ABCD4: variants seen among roughly 807,000 people sequenced by gnomAD.
ABCD4 encodes lysosomal cobalamin transporter ABCD4.
A neutral mutation model predicts 86.3 loss-of-function variants in ABCD4; 53 were observed. The observed-to-expected ratio is 0.61, with a 90% confidence interval of 0.49 to 0.77. The LOEUF is 0.77. Ranked by LOEUF, ABCD4 falls within the 30% of genes least tolerant of loss-of-function variation. The pLI, the probability that ABCD4 is intolerant of heterozygous loss-of-function variation, is 0.00. For missense variants in ABCD4, 757 were observed against 764.5 expected (o/e 0.99, Z 0.12); for synonymous variants, 328 against 313.6 (o/e 1.05, Z -0.49).
In ABCD4 at chr14:74,288,787, T is replaced by C. The variant is rs764928836; in HGVS notation, c.1457-22A>G. ...GAACCTGCACAACAAAGAAGCCTTC[T>C]GCAAAAAGCCAGAGCCTCCTGGCTG... On this transcript the variant is annotated intron_variant, in intron 14 of 18. Coordinates refer to ENST00000356924, the MANE Select transcript of ABCD4 (RefSeq NM_005050.4). The C allele has an allele frequency of 3.1e-6, 5 of 1,612,030 alleles. No individual in the cohort carries two copies. The African/African-American group carries it at 5.3e-5, about 17-fold the overall frequency.
At chr14:74,289,228 TAAGGG>T (rs2139786159) in intron 14 of ABCD4, 1 of 1,304,590 alleles carries the variant, frequency 7.7e-7, no homozygotes, top group East Asian at 3.1e-5. Context: ...CAGATCTTCA[TAAGGG>T]AAGGGGTGGG....
chr14:74,293,865 C>G (rs1187151854), intron 7 of ABCD4: 2 of 152,176 alleles, frequency 1.3e-5, no homozygotes, highest in African/African-American at 2.4e-5. Flanking sequence ...TTAAGGGAGT[C>G]TGGGAAGGCT....
intron 11 of ABCD4, among the ~76,000 whole-genome samples, chr14:74,290,918 C>T (rs1405416879): frequency 6.6e-6 from 1 of 151,944 alleles, no homozygotes; most frequent in African/African-American, 2.4e-5. Context: ...GGTGATCTGC[C>T]CACCTCAGCC....
In ABCD4 at chr14:74,290,519, G is replaced by A; in HGVS notation, c.1119-20C>T. On this transcript the variant is annotated intron_variant, in intron 11 of 18. Coordinates refer to ENST00000356924, the MANE Select transcript of ABCD4 (RefSeq NM_005050.4). ...GGGGGTCTGTGTCAGAGAAGAGAGGGGGCGTGAGGAAGATGGGCAGGGTCA... is the reference window on the plus strand; with the variant it reads ...GGGGGTCTGTGTCAGAGAAGAGAGGAGGCGTGAGGAAGATGGGCAGGGTCA... The A allele has an allele frequency of 6.2e-7, 1 of 1,604,848 alleles. No homozygotes were observed. Among genetic ancestry groups the A allele is most frequent in the Non-Finnish European group, 8.5e-7 (1 of 1,177,074 alleles).
At chr14:74,300,593 CAA>C (rs576021856) in intron 1 of ABCD4, among the ~76,000 whole-genome samples, 5 of 51,066 alleles carry the variant, frequency 9.8e-5, no homozygotes, top group Admixed American at 2.2e-4. Flanking sequence ...AACTCCGTCT[CAA>C]AAAAAAAAAA....
rs775048199 is a variant in ABCD4, at chr14:74,287,841, G to T, written c.1605C>A (p.Ala535=). 1.7e-5 allele frequency: 27 copies of T among 1,613,216 alleles called. No individual in the cohort carries two copies. In the South Asian group the frequency reaches 2.9e-4, roughly 17 times the overall value. ...SPGEMQRLSF[A]RLFYLQPKYA... is the part of the protein sequence containing the mutation. ...ACTTCGGCTGCAGGTAGAAGAGTCG[G>T]GCAAAGGAGAGCCGTTGCATCTCCC... The change falls in exon 17 of 19, where the codon GCC becomes GCA. Residue 535 remains alanine, a synonymous_variant. Transcript: ENST00000356924.
chr14:74,301,427 T>C (rs1354293768), intron 1 of ABCD4, among the ~76,000 whole-genome samples: 3 of 151,446 alleles, frequency 2.0e-5, no homozygotes, highest in African/African-American at 7.3e-5. Flanking sequence ...CCCAAAGTGA[T>C]AGGATGACAG....
At chr14:74,296,703 C>A in intron 4 of ABCD4, 1 of 449,298 alleles carries the variant, frequency 2.2e-6, no homozygotes, top group South Asian at 2.7e-5. Context: ...ACTGAAAGGT[C>A]CAGTACCCAG....
chr14:74,296,108 G>C, intron 5 of ABCD4, 129 bp from the exon 6 acceptor site: 2 of 1,295,182 alleles, frequency 1.5e-6, no homozygotes. Flanking sequence ...TGGGCCCTCT[G>C]CTCCTATGTG....
At position 74,300,234 on chromosome 14, in the gene ABCD4, G is replaced by GGAACCA; in HGVS notation, c.72_73insTGGTTC (p.Phe24_Leu25insTrpPhe). 6.2e-7 allele frequency: 1 copy of GGAACCA among 1,613,810 alleles called. No homozygotes were observed. Among genetic ancestry groups the GGAACCA allele is most frequent in the Non-Finnish European group, 8.5e-7 (1 of 1,179,824 alleles). On this transcript the variant is annotated inframe_insertion, in exon 2 of 19. Transcript: ENST00000356924. ...GGAAACAAAACCTTCAGTATCTGCA[G>GGAACCA]GAACCGCTGGAGAAATTGCAGATCT...
intron 4 of ABCD4, chr14:74,297,036 G>A (rs1253849239): frequency 6.6e-6 from 1 of 152,664 alleles, no homozygotes; most frequent in African/African-American, 2.4e-5. Context: ...CCAACAAAGT[G>A]CTTGCTAGGA....
rs1295404952 is a variant in ABCD4, at chr14:74,302,887, C to G, written c.26G>C (p.Gly9Ala). Reference sequence around the variant, plus strand: ...CCGCCCTGCTTACCTGGCGCCAGCTCCGGGCGCGGGCCCCGCGACCGCCAT... The same window carrying G: ...CCGCCCTGCTTACCTGGCGCCAGCTGCGGGCGCGGGCCCCGCGACCGCCAT... MAVAGPAP[G>A]AGARPRLDLQ... Residue 9 changes from glycine (G) to alanine (A), a missense_variant, in exon 1 of 19, where the codon GGA becomes GCA. Physicochemically the swap from Gly to Ala is moderately conservative, Grantham distance 60. Transcript: ENST00000356924. The G allele has an allele frequency of 1.2e-6, 2 of 1,607,662 alleles. No individual in the cohort carries two copies. Among genetic ancestry groups the G allele is most frequent in the Non-Finnish European group, 8.5e-7 (1 of 1,177,404 alleles).
intron 16 of ABCD4, 101 bp from the exon 17 acceptor site, chr14:74,287,987 G>T: frequency 8.4e-7 from 1 of 1,197,400 alleles, no homozygotes; most frequent in Non-Finnish European, 1.2e-6. Flanking sequence ...GCACAGAGGT[G>T]AGCCCCAGGA....
intron 17 of ABCD4, 138 bp downstream of exon 17, chr14:74,287,672 G>C: frequency 1.3e-6 from 1 of 764,120 alleles, no homozygotes; most frequent in South Asian, 1.7e-5. Flanking sequence ...ACACGGGCAG[G>C]GCCTGCTGTC....
At chr14:74,286,997 G>A (rs1383835658) in intron 17 of ABCD4, among the ~76,000 whole-genome samples, 181 bp from the exon 18 acceptor site, 1 of 152,220 alleles carries the variant, frequency 6.6e-6, no homozygotes, top group Non-Finnish European at 1.5e-5. Flanking sequence ...GACTCTCCAA[G>A]GGAATAGCCT....
chr14:74,288,111 T>C, intron 16 of ABCD4, 96 bp downstream of exon 16: 1 of 1,392,354 alleles, frequency 7.2e-7, no homozygotes. Context: ...CATCTGGACT[T>C]TGGGGTCAGG....
chr14:74,289,577 C>T, intron 13 of ABCD4, 58 bp from the exon 14 acceptor site: 3 of 1,599,106 alleles, frequency 1.9e-6, no homozygotes, highest in Non-Finnish European at 2.6e-6. Context: ...CGGAGCTGCA[C>T]ACAGCCCACC....
At chr14:74,298,748 C>T (rs562124321) in intron 3 of ABCD4, among the ~76,000 whole-genome samples, 2 of 152,280 alleles carry the variant, frequency 1.3e-5, no homozygotes, top group African/African-American at 2.4e-5. Flanking sequence ...GCTTACTGAC[C>T]GAAGACCCAA....
At chr14:74,297,082 C>T (rs1330616212) in intron 4 of ABCD4, 1 of 152,302 alleles carries the variant, frequency 6.6e-6, no homozygotes, top group Non-Finnish European at 1.5e-5. Context: ...GAAGGAGACC[C>T]CCTATGTCTC....
Sources: allele counts gnomAD v4.1 joint callset (sites outside exome capture counted in the v4.1 genomes callset), GRCh38; gene constraint gnomAD v4.1.1; transcripts MANE v1.5; gene names NCBI Gene and HGNC (gene_info 2026-07-23, HGNC 2026-07-21).